The following AP3B2 variants were observed in gnomAD, a reference collection of about 807,000 sequenced individuals.
The protein encoded by AP3B2 is adaptor related protein complex 3 subunit beta 2.
In AP3B2, 50 loss-of-function variants were observed where a neutral mutation model predicts 126.9. That is an observed-to-expected ratio of 0.39 (90% CI 0.31 to 0.50). The LOEUF is 0.50. Ranked by LOEUF, AP3B2 falls within the 20% of genes least tolerant of loss-of-function variation. The pLI is 0.79. For synonymous variants in AP3B2, 541 were observed against 565.0 expected, an observed-to-expected ratio of 0.96 and a Z score of 0.60; for missense variants, 1,177 against 1,426.4, an observed-to-expected ratio of 0.83 and a Z score of 2.82.
Position 82,662,749 on chromosome 15 carries a change from A to G in AP3B2, c.2778T>C (p.His926=), listed in dbSNP as rs527906371. The part of the protein sequence containing the change: ...NSSDTPIKGL[H]VGTPKLPAGI... ...CAGCAGGCAGTTTGGGAGTGCCCAC[A>G]TGCAGGCCCTTGATGGGGGTATCAG... The change falls in exon 23 of 27, where the codon CAT becomes CAC. Residue 926 remains histidine, a synonymous_variant. Coordinates refer to ENST00000535359, the MANE Select transcript of AP3B2 (RefSeq NM_001278512.2). The G allele has an allele frequency of 8.1e-6, 13 of 1,613,920 alleles. No homozygotes were observed. The African/African-American group carries it at 1.2e-4, about 15-fold the overall frequency.
chr15:82,666,725 T>C, intron 15 of AP3B2, 22 bp downstream of exon 15: 1 of 1,609,732 alleles, frequency 6.2e-7, no homozygotes, highest in East Asian at 2.2e-5. Flanking sequence ...CTAGGAAGGT[T>C]ACCCTTGATT....
At chr15:82,691,956 C>T (rs1324728221) in intron 1 of AP3B2, 18 of 1,412,198 alleles carry the variant, frequency 1.3e-5, no homozygotes, top group Non-Finnish European at 1.8e-5. Context: ...CCCACACCGT[C>T]CTTCTGCACA....
intron 1 of AP3B2, among the ~76,000 whole-genome samples, chr15:82,696,762 GT>G (rs2048633983): frequency 6.6e-6 from 1 of 152,210 alleles, no homozygotes; most frequent in Non-Finnish European, 1.5e-5. Context: ...CCCTTGTGCA[GT>G]GAACAATGTG....
chr15:82,688,546 C>T (rs904322950), intron 4 of AP3B2, 190 bp downstream of exon 4: 2 of 707,628 alleles, frequency 2.8e-6, no homozygotes, highest in Non-Finnish European at 5.1e-6. Flanking sequence ...TCTCTTACGC[C>T]CCTTCTGAGC....
chr15:82,689,033 T>C (rs747594954), intron 3 of AP3B2, 125 bp downstream of exon 3: 3 of 1,172,746 alleles, frequency 2.6e-6, no homozygotes, highest in Non-Finnish European at 2.5e-6. Flanking sequence ...TGTCTTCTCC[T>C]GGCTCAGAGA....
intron 1 of AP3B2, chr15:82,699,357 GAA>G (rs1308780351): frequency 3.5e-6 from 1 of 284,872 alleles, no homozygotes; most frequent in Admixed American, 5.2e-5. Flanking sequence ...CCTGTGGGGA[GAA>G]AGAGGTCAAG....
At position 82,681,332 on chromosome 15, in the gene AP3B2, C is replaced by A; in HGVS notation, c.521+88G>T. The A allele has an allele frequency of 6.4e-7, 1 of 1,566,806 alleles. No individual in the cohort carries two copies. Among genetic ancestry groups the A allele is most frequent in the Non-Finnish European group, 8.7e-7 (1 of 1,151,112 alleles). The stretch of plus-strand genomic sequence containing the variant: ...TACCCTCCTCAAACCCTCTGAGAAG[C>A]AGCAGGCAAGACTTAGGAAAGGCCA... On this transcript the variant is annotated intron_variant, in intron 5 of 26. Transcript: ENST00000535359. This position sits in a 1 kb window ranked among gnomAD's most constrained non-coding sequence, Gnocchi z 4.0.
chr15:82,660,037 C>T, intron 25 of AP3B2, 54 bp from the exon 26 acceptor site: 1 of 1,582,992 alleles, frequency 6.3e-7, no homozygotes, highest in Non-Finnish European at 8.6e-7. Context: ...CAGAGGCCAG[C>T]ACCTGGGTCT....
Position 82,663,634 on chromosome 15 carries a change from A to G in AP3B2, c.2437-14T>C, listed in dbSNP as rs1369131871. The G allele has an allele frequency of 1.2e-6, 2 of 1,613,816 alleles. No homozygotes were observed. Among genetic ancestry groups the G allele is most frequent in the Non-Finnish European group, 1.7e-6 (2 of 1,179,832 alleles). ...GCTGCTGGGAGGCTGAAAGAGAAAAATGGGATGTGGGTGTGGGGAAGGGGA... is the reference window on the plus strand; with the variant it reads ...GCTGCTGGGAGGCTGAAAGAGAAAAGTGGGATGTGGGTGTGGGGAAGGGGA... On this transcript the variant is annotated splice_polypyrimidine_tract_variant and intron_variant, in intron 20 of 26. Coordinates refer to ENST00000535359, the MANE Select transcript of AP3B2 (RefSeq NM_001278512.2).
chr15:82,697,483 C>G (rs2048647412), intron 1 of AP3B2, among the ~76,000 whole-genome samples: 1 of 152,130 alleles, frequency 6.6e-6, no homozygotes, highest in Non-Finnish European at 1.5e-5. Context: ...ATGACTGCTG[C>G]TAATGCTGAG....
chr15:82,683,047 G>GTTTTGTTTTTTT, intron 4 of AP3B2, among the ~76,000 whole-genome samples: 1 of 77,716 alleles, frequency 1.3e-5, no homozygotes, highest in Non-Finnish European at 2.5e-5. Flanking sequence ...TGCACCAGGA[G>GTTTTGTTTTTTT]TTTTTTTTTT....
Position 82,662,218 on chromosome 15 carries a change from T to C in AP3B2, c.2868A>G (p.Val956=). The C allele has an allele frequency of 6.2e-7, 1 of 1,603,568 alleles. No homozygotes were observed. The highest frequency in any genetic ancestry group is 8.5e-7 in the Non-Finnish European group (1 of 1,174,932). Residue 956 remains valine (V), a synonymous_variant, in exon 24 of 27, where the codon GTA becomes GTG. Transcript: ENST00000535359. The part of the protein sequence containing the change: ...SLAPGESATA[V]MGINFCDSTQ... ...TTGAGTCACAGAAATTAATGCCCAT[T>C]ACAGCAGTGGCAGATTCTCCAGGTG...
At position 82,663,114 on chromosome 15, in the gene AP3B2, C is replaced by G; in HGVS notation, c.2604+13G>C. On this transcript the variant is annotated intron_variant, in intron 22 of 26. Coordinates refer to ENST00000535359, the MANE Select transcript of AP3B2 (RefSeq NM_001278512.2). ...CCCTGCCCCAGCCCGGTCCCCTCCT[C>G]CATCCCACTCACCGACGGTACCAGG... The G allele has an allele frequency of 6.2e-7, 1 of 1,600,762 alleles. No homozygotes were observed. The highest frequency in any genetic ancestry group is 8.5e-7 in the Non-Finnish European group (1 of 1,173,210).
At chr15:82,700,926 T>G (rs1431881908) in intron 1 of AP3B2, among the ~76,000 whole-genome samples, 1 of 151,990 alleles carries the variant, frequency 6.6e-6, no homozygotes. Context: ...AGTGGTGCCA[T>G]CTCGGCTCAC....
intron 15 of AP3B2, 149 bp downstream of exon 15, chr15:82,666,598 A>AG (rs2048063427): frequency 1.2e-6 from 1 of 822,810 alleles, no homozygotes; most frequent in South Asian, 1.9e-5. Context: ...TCCTGGTGCC[A>AG]CAGGAGGGAC....
At chr15:82,691,809 G>C in intron 1 of AP3B2, 13 of 1,446,208 alleles carry the variant, frequency 9.0e-6, no homozygotes, top group Non-Finnish European at 1.3e-5. Context: ...AACCGAGACT[G>C]TGAGTAGCCA....
chr15:82,662,493 G>A, intron 23 of AP3B2: 1 of 669,074 alleles, frequency 1.5e-6, no homozygotes, highest in Middle Eastern at 4.1e-4. Context: ...CAAATCTGCT[G>A]CTGCAAGCAC....
intron 12 of AP3B2, 52 bp from the exon 13 acceptor site, chr15:82,677,435 T>C (rs1395329460): frequency 2.0e-6 from 3 of 1,531,720 alleles, no homozygotes; most frequent in African/African-American, 1.4e-5. Context: ...ATGGCCACAC[T>C]CAGGTGGACA....
chr15:82,709,825 G>A lies in AP3B2; in HGVS notation c.-119C>T, dbSNP rs2048856215. 3 of 720,642 alleles carry A rather than the reference G, an allele frequency of 4.2e-6. No homozygotes were observed. The highest frequency in any genetic ancestry group is 6.2e-6 in the Non-Finnish European group (3 of 482,734). 44.6% of individuals were successfully genotyped at this position (720,642 alleles called of 1,614,324 possible). A position where few individuals can be genotyped will look rare whatever the true frequency, so the allele number is the denominator to read the frequency against. ...TGGCGAAGGCGGCGGCGCGGCAGGG[G>A]TTCAGCAGAGGCTGCAGTGTGCAGC... On this transcript the variant is annotated 5_prime_UTR_variant, in exon 1 of 27. Coordinates refer to ENST00000535359, the MANE Select transcript of AP3B2 (RefSeq NM_001278512.2).
Sources: allele counts gnomAD v4.1 joint callset (sites outside exome capture counted in the v4.1 genomes callset), GRCh38; gene constraint gnomAD v4.1.1; non-coding constraint Gnocchi (gnomAD v3.1); transcripts MANE v1.5; gene names NCBI Gene and HGNC (gene_info 2026-07-23, HGNC 2026-07-21).